The following TBC1D1 variants were observed in gnomAD, a reference collection of about 807,000 sequenced individuals.
TBC1D1 encodes the protein TBC1 (tre-2/USP6, BUB2, cdc16) domain family, member 1.
In TBC1D1, 89 loss-of-function variants were observed where a neutral mutation model predicts 125.6. That is an observed-to-expected ratio of 0.71 (90% CI 0.60 to 0.85). The LOEUF is 0.85. Ranked by LOEUF, TBC1D1 falls within the 40% of genes least tolerant of loss-of-function variation. The probability of loss-of-function intolerance (pLI) is 0.00; values close to 1 mark genes in which losing one functional copy is unlikely to be tolerated. For synonymous variants in TBC1D1, 565 were observed against 564.1 expected, an observed-to-expected ratio of 1.00 and a Z score of -0.02; for missense variants, 1,377 against 1,469.2, an observed-to-expected ratio of 0.94 and a Z score of 1.03.
chr4:37,953,280 G>A (rs186870248), intron 2 of TBC1D1, among the ~76,000 whole-genome samples: 47 of 152,336 alleles, frequency 3.1e-4, no homozygotes, highest in African/African-American at 1.1e-3. Context: ...ATCTGGAGGT[G>A]ATCCTGAGTA....
chr4:37,955,509 C>T (rs990117669), intron 2 of TBC1D1, among the ~76,000 whole-genome samples: 5 of 152,156 alleles, frequency 3.3e-5, no homozygotes, highest in African/African-American at 9.7e-5. Context: ...AGTGTAAATG[C>T]TACATACATA....
In TBC1D1 at chr4:37,988,775, A is replaced by G. The variant is rs147521280; in HGVS notation, c.418-25734A>G. Among the ~76,000 whole-genome samples, 40 of 152,238 alleles carry G rather than the reference A, an allele frequency of 2.6e-4. No homozygotes were observed. The East Asian group carries it at 7.3e-3, about 28-fold the overall frequency. ...TTGAAGCACCCCAACTGACCGATGGACCGCCCCCTCCTCAGTCAAGGGCAT... is the reference window on the plus strand; with the variant it reads ...TTGAAGCACCCCAACTGACCGATGGGCCGCCCCCTCCTCAGTCAAGGGCAT... On this transcript the variant is annotated intron_variant, in intron 2 of 19. Transcript: ENST00000261439.
rs770568679 is a variant in TBC1D1, at chr4:37,902,470, G to A, written c.375G>A (p.Arg125=). ...TGATTAAGGAAGACGCTGTCCACCGGCAGAGTATCTGCTATGTGTTCAAAG... is the reference window on the plus strand; with the variant it reads ...TGATTAAGGAAGACGCTGTCCACCGACAGAGTATCTGCTATGTGTTCAAAG... Residue 125 remains arginine, a synonymous_variant, in exon 2 of 20, where the codon CGG becomes CGA. Transcript: ENST00000261439. 5 of 1,613,278 alleles carry A rather than the reference G, an allele frequency of 3.1e-6. No homozygotes were observed. The highest frequency in any genetic ancestry group is 1.7e-4 in the Middle Eastern group (1 of 6,056).
In TBC1D1 at chr4:37,995,463, T is replaced by C. The variant is rs1479549847; in HGVS notation, c.418-19046T>C. ...TCTTTCCCCGCCCCCTCACAAAGTATAGATCATTTGTTTTCCTTCCAGCCC... is the reference window on the plus strand; with the variant it reads ...TCTTTCCCCGCCCCCTCACAAAGTACAGATCATTTGTTTTCCTTCCAGCCC... On this transcript the variant is annotated intron_variant, in intron 2 of 19. Transcript: ENST00000261439. This position sits in a 1 kb window ranked among gnomAD's most constrained non-coding sequence, Gnocchi z 4.3. 4.2e-6 allele frequency: 1 copy of C among 239,454 alleles called. No homozygotes were observed. Among genetic ancestry groups the C allele is most frequent in the Non-Finnish European group, 8.5e-6 (1 of 116,978 alleles). 14.8% of individuals were successfully genotyped at this position (239,454 alleles called of 1,614,324 possible). A position where few individuals can be genotyped will look rare whatever the true frequency, so the allele number is the denominator to read the frequency against.
chr4:38,050,001 G>A, intron 11 of TBC1D1, 103 bp downstream of exon 11: 1 of 1,314,470 alleles, frequency 7.6e-7, no homozygotes, highest in Non-Finnish European at 1.0e-6. Flanking sequence ...AAATGAGTCA[G>A]GCTTTACTCT....
intron 17 of TBC1D1, among the ~76,000 whole-genome samples, chr4:38,122,473 G>A (rs1019271596): frequency 6.6e-6 from 1 of 152,120 alleles, no homozygotes; most frequent in African/African-American, 2.4e-5. Flanking sequence ...TCCCTGTATT[G>A]ACACCCTATT....
intron 11 of TBC1D1, 30 bp downstream of exon 13, chr4:38,053,255 G>A: frequency 1.4e-6 from 2 of 1,433,796 alleles, no homozygotes; most frequent in Non-Finnish European, 1.8e-6. Context: ...TATCAAGCCT[G>A]GGTGTTACTA....
At chr4:37,904,904 A>T (rs943509497) in intron 2 of TBC1D1, among the ~76,000 whole-genome samples, 5 of 152,200 alleles carry the variant, frequency 3.3e-5, no homozygotes, top group African/African-American at 1.2e-4. Flanking sequence ...ATAGCGAAGG[A>T]TTATCTGCTG....
chr4:38,130,120 T>C (rs35770203), intron 18 of TBC1D1, among the ~76,000 whole-genome samples: 1 of 152,114 alleles, frequency 6.6e-6, no homozygotes, highest in Non-Finnish European at 1.5e-5. Flanking sequence ...TGTCTAACAC[T>C]TGATGACTGG....
At chr4:38,046,264 C>T (rs968876120) in intron 10 of TBC1D1, among the ~76,000 whole-genome samples, 1 of 151,608 alleles carries the variant, frequency 6.6e-6, no homozygotes, top group African/African-American at 2.4e-5. Flanking sequence ...CCCAGCTACT[C>T]GGGAGGCTGA....
chr4:37,979,325 T>A (rs1007733486), intron 2 of TBC1D1, among the ~76,000 whole-genome samples: 1 of 152,274 alleles, frequency 6.6e-6, no homozygotes, highest in Admixed American at 6.5e-5. Context: ...TTACAAATTA[T>A]ATCCCGAAAT....
intron 4 of TBC1D1, among the ~76,000 whole-genome samples, chr4:38,019,374 C>T (rs1024200195): frequency 2.0e-5 from 3 of 152,062 alleles, no homozygotes; most frequent in Non-Finnish European, 4.4e-5. Context: ...TAAGTGGTAG[C>T]CTTATGCTTA....
intron 1 of TBC1D1, among the ~76,000 whole-genome samples, chr4:37,895,237 A>G (rs1714304659): frequency 6.6e-6 from 1 of 152,172 alleles, no homozygotes; most frequent in African/African-American, 2.4e-5. Flanking sequence ...ACACACTATG[A>G]TAATGTGTTG....
chr4:38,105,602 C>T (rs1177196828), intron 15 of TBC1D1, among the ~76,000 whole-genome samples: 1 of 152,078 alleles, frequency 6.6e-6, no homozygotes, highest in Non-Finnish European at 1.5e-5. Flanking sequence ...TCCCTCTCCA[C>T]CCCCCAGGAG....
chr4:37,931,496 G>A (rs1330370288), intron 2 of TBC1D1, among the ~76,000 whole-genome samples: 1 of 150,778 alleles, frequency 6.6e-6, no homozygotes, highest in Admixed American at 6.6e-5. Context: ...CTTTTTTTTT[G>A]AGACGGACTC....
chr4:37,918,551 G>A (rs1486414559), intron 2 of TBC1D1, among the ~76,000 whole-genome samples: 6 of 151,750 alleles, frequency 4.0e-5, no homozygotes, highest in Non-Finnish European at 8.8e-5. Flanking sequence ...AGGTTCAAGC[G>A]ATTCTCCTGT....
In TBC1D1 at chr4:38,052,712, ACGCGCG is replaced by A. The variant is rs58267781; in HGVS notation, c.1911-1475_1911-1470del. 7.6e-4 allele frequency among the ~76,000 whole-genome samples: 95 copies of A among 125,614 alleles called. 1 individual carries two copies. Among genetic ancestry groups the A allele is most frequent in the East Asian group, 3.8e-3 (18 of 4,796 alleles). The allele number at this position is 125,614 out of a possible 152,430, so 82.4% of individuals were successfully genotyped here. Reference sequence around the variant, plus strand: ...TACATGCATGCGTATATACACACACACGCGCGCGCGCGCGCGCACACACACACACAC... The same window carrying A: ...TACATGCATGCGTATATACACACACACGCGCGCGCGCACACACACACACAC... On this transcript the variant is annotated intron_variant, in intron 11 of 19. Coordinates refer to ENST00000261439, the MANE Select transcript of TBC1D1 (RefSeq NM_015173.4).
chr4:38,079,166 G>A lies in TBC1D1; in HGVS notation c.2051-10766G>A, dbSNP rs140567118. 7.2e-5 allele frequency among the ~76,000 whole-genome samples: 11 copies of A among 152,204 alleles called. No homozygotes were observed. In the East Asian group the frequency reaches 1.9e-3, roughly 27 times the overall value. On this transcript the variant is annotated intron_variant, in intron 12 of 19. Transcript: ENST00000261439. ...TTTTCTGTAGATGCCTAAATGATGT[G>A]GGTTGAGAAATCGTGATCTTAGCTT...
rs372961521 is a variant in TBC1D1, at chr4:37,995,153, C to T, written c.418-19356C>T. On this transcript the variant is annotated intron_variant, in intron 2 of 19. Transcript: ENST00000261439. This position sits in a 1 kb window ranked among gnomAD's most constrained non-coding sequence, Gnocchi z 4.3. ...CCTTCGATACTGACACAACAGCCCTCGGGAAACTGACCTGGAGCGATGGGT... is the reference window on the plus strand; with the variant it reads ...CCTTCGATACTGACACAACAGCCCTTGGGAAACTGACCTGGAGCGATGGGT... 4.6e-5 allele frequency among the ~76,000 whole-genome samples: 7 copies of T among 152,142 alleles called. No homozygotes were observed. The highest frequency in any genetic ancestry group is 1.2e-4 in the African/African-American group (5 of 41,406).
Sources: allele counts gnomAD v4.1 joint callset (sites outside exome capture counted in the v4.1 genomes callset), GRCh38; gene constraint gnomAD v4.1.1; non-coding constraint Gnocchi (gnomAD v3.1); transcripts MANE v1.5; gene names NCBI Gene and HGNC (gene_info 2026-07-23, HGNC 2026-07-21).